CHST11: variants seen among roughly 807,000 people sequenced by gnomAD.
CHST11 encodes C4S-1.
CHST11 carries 9 observed loss-of-function variants against 30.4 expected under a neutral mutation model. The observed-to-expected ratio is 0.30, with a 90% CI of 0.18 to 0.52. The LOEUF is 0.52. Ranked by LOEUF, CHST11 falls within the 20% of genes least tolerant of loss-of-function variation. CHST11 has a pLI of 0.97. For synonymous variants in CHST11, 152 were observed against 187.8 expected, an observed-to-expected ratio of 0.81 and a Z score of 1.56; for missense variants, 348 against 460.6, an observed-to-expected ratio of 0.76 and a Z score of 2.24.
chr12:104,623,158 C>T (rs2039176656), intron 2 of CHST11, among the ~76,000 whole-genome samples: 2 of 152,178 alleles, frequency 1.3e-5, no homozygotes, highest in African/African-American at 4.8e-5. Flanking sequence ...CAGGGGTTCC[C>T]TGCTTTAGAC....
chr12:104,705,672 A>G (rs975282905), intron 2 of CHST11, among the ~76,000 whole-genome samples: 2 of 152,152 alleles, frequency 1.3e-5, no homozygotes, highest in African/African-American at 2.4e-5. Flanking sequence ...TGTGATCCCA[A>G]TATCTTAGGA....
chr12:104,478,816 A>G (rs1191919522), intron 1 of CHST11, among the ~76,000 whole-genome samples: 1 of 152,066 alleles, frequency 6.6e-6, no homozygotes, highest in Admixed American at 6.6e-5. Context: ...CAATTTCAAG[A>G]GCTTCAGGAG....
At chr12:104,571,904 T>C (rs2038629890) in intron 1 of CHST11, among the ~76,000 whole-genome samples, 1 of 152,244 alleles carries the variant, frequency 6.6e-6, no homozygotes, top group African/African-American at 2.4e-5. Context: ...ACCTAGTTTA[T>C]TGAGAGTTTT....
At chr12:104,669,712 T>C (rs1281806176) in intron 2 of CHST11, among the ~76,000 whole-genome samples, 3 of 152,222 alleles carry the variant, frequency 2.0e-5, no homozygotes. Context: ...TGTGTGACCC[T>C]GGACACCGTT....
At chr12:104,735,820 T>C (rs2136135459) in intron 2 of CHST11, among the ~76,000 whole-genome samples, 1 of 152,176 alleles carries the variant, frequency 6.6e-6, no homozygotes, top group South Asian at 2.1e-4. Context: ...TGGGGACTCG[T>C]CATGGGTTTA....
At chr12:104,582,783 C>T (rs313325) in intron 1 of CHST11, among the ~76,000 whole-genome samples, 124,550 of 151,378 alleles carry the variant, frequency 0.82, 51,444 homozygotes, top group East Asian at 0.98. Context: ...AAATGACTTC[C>T]ACTGAAGTGC....
chr12:104,509,270 T>A (rs2037939147), intron 1 of CHST11, among the ~76,000 whole-genome samples: 1 of 152,242 alleles, frequency 6.6e-6, no homozygotes, highest in Non-Finnish European at 1.5e-5. Context: ...CACTTGCTCC[T>A]CTTTGCCTTC....
chr12:104,717,525 G>T (rs2040140411), intron 2 of CHST11, among the ~76,000 whole-genome samples: 1 of 152,122 alleles, frequency 6.6e-6, no homozygotes, highest in African/African-American at 2.4e-5. Flanking sequence ...TGTAATCCCA[G>T]CACTTTGGGA....
At chr12:104,582,610 G>C (rs182274539) in intron 1 of CHST11, among the ~76,000 whole-genome samples, 1 of 152,156 alleles carries the variant, frequency 6.6e-6, no homozygotes, top group East Asian at 1.9e-4. Context: ...ATCACTGTTG[G>C]GAACACTCAG....
intron 2 of CHST11, among the ~76,000 whole-genome samples, chr12:104,673,586 C>G (rs913333791): frequency 5.3e-5 from 8 of 152,170 alleles, no homozygotes; most frequent in African/African-American, 1.9e-4. Flanking sequence ...TAGCAAAGCA[C>G]TCCATAAATA....
At chr12:104,664,920 A>C (rs2039629122) in intron 2 of CHST11, among the ~76,000 whole-genome samples, 1 of 152,238 alleles carries the variant, frequency 6.6e-6, no homozygotes, top group South Asian at 2.1e-4. Context: ...AAATATATTT[A>C]ATAACCTCAA....
At chr12:104,751,196 C>A (rs2463442) in intron 2 of CHST11, among the ~76,000 whole-genome samples, 93,464 of 152,092 alleles carry the variant, frequency 0.61, 29,058 homozygotes, top group Middle Eastern at 0.72. Flanking sequence ...TGGCATGCTA[C>A]CTCCCTGGGG....
intron 2 of CHST11, among the ~76,000 whole-genome samples, chr12:104,607,651 G>A (rs1000845992): frequency 6.6e-6 from 1 of 152,118 alleles, no homozygotes; most frequent in Non-Finnish European, 1.5e-5. Flanking sequence ...GAGGCCACAG[G>A]GAGACAGTCC....
At chr12:104,557,074 T>C (rs947172493) in intron 1 of CHST11, among the ~76,000 whole-genome samples, 1 of 152,132 alleles carries the variant, frequency 6.6e-6, no homozygotes, top group African/African-American at 2.4e-5. Flanking sequence ...TATGACCTTA[T>C]CTTAACTTGA....
chr12:104,625,345 C>T (rs2039202904), intron 2 of CHST11, among the ~76,000 whole-genome samples: 1 of 152,172 alleles, frequency 6.6e-6, no homozygotes, highest in South Asian at 2.1e-4. Context: ...GCTCTTGTCG[C>T]CCAGGCTGGA....
At chr12:104,647,141 T>C (rs747771617) in intron 2 of CHST11, among the ~76,000 whole-genome samples, 5 of 152,232 alleles carry the variant, frequency 3.3e-5, no homozygotes, top group African/African-American at 7.2e-5. Context: ...GAGCCCATTG[T>C]CATGATGCTG....
At chr12:104,552,293 T>C (rs1270924631) in intron 1 of CHST11, 2 of 152,272 alleles carry the variant, frequency 1.3e-5, no homozygotes, top group African/African-American at 4.8e-5. Flanking sequence ...ATCTTTTCTG[T>C]TTTTTGTATT....
chr12:104,686,374 TGA>T (rs2039846752), intron 2 of CHST11, among the ~76,000 whole-genome samples: 1 of 152,206 alleles, frequency 6.6e-6, no homozygotes, highest in Admixed American at 6.5e-5. Flanking sequence ...AGCTGTGCTC[TGA>T]GAGAGAGTCC....
At chr12:104,497,775 G>C (rs769799777) in intron 1 of CHST11, among the ~76,000 whole-genome samples, 4 of 152,126 alleles carry the variant, frequency 2.6e-5, no homozygotes, top group Non-Finnish European at 5.9e-5. Flanking sequence ...GGACTGGAGA[G>C]AGGGGACCGG....
Sources: allele counts gnomAD v4.1 joint callset (sites outside exome capture counted in the v4.1 genomes callset), GRCh38; gene constraint gnomAD v4.1.1; transcripts MANE v1.5; gene names NCBI Gene and HGNC (gene_info 2026-07-23, HGNC 2026-07-21).